SHCBP1L: variants seen among roughly 807,000 people sequenced by gnomAD.
The protein encoded by SHCBP1L is testicular spindle-associated protein SHCBP1L.
In SHCBP1L, 67 loss-of-function variants were observed where a neutral mutation model predicts 62.5. The ratio of observed to expected loss-of-function variants is 1.07; its 90% confidence interval spans 0.88 to 1.31. The LOEUF is 1.31. SHCBP1L is among the 40% of genes most tolerant of loss of function. The probability of loss-of-function intolerance (pLI) is 0.00; values close to 1 mark genes in which losing one functional copy is unlikely to be tolerated. For missense variants in SHCBP1L, 823 were observed against 809.8 expected, an observed-to-expected ratio of 1.02 and a Z score of -0.20; for synonymous variants, 284 against 289.4, an observed-to-expected ratio of 0.98 and a Z score of 0.19.
chr1:182,936,130 G>GTTTTTTTTTTTTTT (rs71127329), intron 5 of SHCBP1L, among the ~76,000 whole-genome samples: 140 of 63,832 alleles, frequency 2.2e-3, no homozygotes, highest in Middle Eastern at 0.013. Flanking sequence ...TTTGTTTTTT[G>GTTTTTTTTTTTTTT]TTTTTTTTTT....
chr1:182,940,704 A>C (rs1651334097), intron 2 of SHCBP1L, among the ~76,000 whole-genome samples, 161 bp from the exon 3 acceptor site: 1 of 152,222 alleles, frequency 6.6e-6, no homozygotes, highest in Non-Finnish European at 1.5e-5. Context: ...TATTAAATAT[A>C]CTACCAATAG....
intron 6 of SHCBP1L, among the ~76,000 whole-genome samples, chr1:182,906,643 G>T (rs537549283): frequency 6.6e-6 from 1 of 151,514 alleles, no homozygotes; most frequent in African/African-American, 2.4e-5. Flanking sequence ...TGTTAGCCAG[G>T]TTGGTCTCGA....
intron 5 of SHCBP1L, among the ~76,000 whole-genome samples, chr1:182,934,431 C>A (rs1395334472): frequency 6.6e-6 from 1 of 152,122 alleles, no homozygotes; most frequent in African/African-American, 2.4e-5. Flanking sequence ...TTGCAACTTA[C>A]TAATGACAAA....
intron 2 of SHCBP1L, among the ~76,000 whole-genome samples, chr1:182,946,945 A>C (rs1444639525): frequency 1.3e-5 from 2 of 152,216 alleles, no homozygotes; most frequent in Non-Finnish European, 2.9e-5. Flanking sequence ...GTGCAAAGAA[A>C]AGCCCAGGTG....
In SHCBP1L at chr1:182,899,908, C is replaced by A; in HGVS notation, c.*75G>T. ...TAATTAAGCTTTGAATTGAAACTAC[C>A]ATTTCAGTGGGGTATGAGAATCATG... On this transcript the variant is annotated 3_prime_UTR_variant, in exon 10 of 10. Transcript: ENST00000367547. 1.7e-6 allele frequency: 2 copies of A among 1,206,066 alleles called. No individual in the cohort carries two copies. The highest frequency in any genetic ancestry group is 2.1e-5 in the South Asian group (1 of 47,794). 74.7% of individuals were successfully genotyped at this position (1,206,066 alleles called of 1,614,324 possible).
intron 7 of SHCBP1L, 73 bp downstream of exon 7, chr1:182,905,423 A>T: frequency 7.2e-7 from 1 of 1,383,886 alleles, no homozygotes; most frequent in Non-Finnish European, 9.9e-7. Context: ...TAATTCCATT[A>T]AGCATGTTTA....
At chr1:182,904,558 T>TGTG in intron 7 of SHCBP1L, 128 bp from the exon 8 acceptor site, 1 of 886,762 alleles carries the variant, frequency 1.1e-6, no homozygotes, top group South Asian at 1.7e-5. Context: ...TGTGTGTGTG[T>TGTG]GTGTGTGTGT....
chr1:182,924,703 A>AAGGAAAGGAAAG (rs367726236), intron 6 of SHCBP1L, among the ~76,000 whole-genome samples: 1 of 34,834 alleles, frequency 2.9e-5, no homozygotes, highest in African/African-American at 1.6e-4. Context: ...AAGGAAAGGA[A>AAGGAAAGGAAAG]GAAAGAAAGA....
intron 6 of SHCBP1L, among the ~76,000 whole-genome samples, chr1:182,924,630 C>A (rs1008227855): frequency 6.8e-6 from 1 of 147,212 alleles, no homozygotes; most frequent in Admixed American, 7.0e-5. Context: ...ACCATGCTGA[C>A]CAAAGCAATG....
At chr1:182,920,276 GC>G (rs1399852826) in intron 6 of SHCBP1L, among the ~76,000 whole-genome samples, 3 of 152,114 alleles carry the variant, frequency 2.0e-5, no homozygotes, top group African/African-American at 4.8e-5. Flanking sequence ...CCTGGTACCA[GC>G]CCCCCAGGGT....
At chr1:182,941,480 A>G (rs1215656730) in intron 2 of SHCBP1L, among the ~76,000 whole-genome samples, 2 of 152,188 alleles carry the variant, frequency 1.3e-5, no homozygotes, top group African/African-American at 2.4e-5. Context: ...AAGAGGCTAT[A>G]AAGTACCAGT....
Position 182,953,005 on chromosome 1 carries a change from G to A in SHCBP1L, c.129C>T (p.Thr43=). ...CCACCACCGACCGCACTGGGATCGC[G>A]GTGCCCTTCAGGGTGGTCGCGGCCG... The part of the protein sequence containing the change: ...DTAAATTLKG[T]AIPVRSVVAS... The change falls in exon 1 of 10, where the codon ACC becomes ACT. Residue 43 remains threonine (T), a synonymous_variant. Coordinates refer to ENST00000367547, the MANE Select transcript of SHCBP1L (RefSeq NM_030933.4). 2 of 1,543,010 alleles carry A rather than the reference G, an allele frequency of 1.3e-6. No homozygotes were observed. Among genetic ancestry groups the A allele is most frequent in the African/African-American group, 1.4e-5 (1 of 73,216 alleles).
chr1:182,912,509 G>C (rs751659618), intron 6 of SHCBP1L, among the ~76,000 whole-genome samples: 1 of 151,538 alleles, frequency 6.6e-6, no homozygotes, highest in Non-Finnish European at 1.5e-5. Context: ...CTTTTCATCT[G>C]TATCCTTTGT....
At chr1:182,904,525 C>A in intron 7 of SHCBP1L, 95 bp from the exon 8 acceptor site, 1 of 1,285,532 alleles carries the variant, frequency 7.8e-7, no homozygotes, top group Admixed American at 2.0e-5. Flanking sequence ...TAAAGTTTTT[C>A]CCTGTGTGCG....
At chr1:182,906,711 G>T (rs1449858465) in intron 6 of SHCBP1L, among the ~76,000 whole-genome samples, 1 of 152,108 alleles carries the variant, frequency 6.6e-6, no homozygotes, top group Non-Finnish European at 1.5e-5. Flanking sequence ...GAGCCACCGT[G>T]CCCGGCCCCC....
intron 5 of SHCBP1L, among the ~76,000 whole-genome samples, chr1:182,930,356 T>C (rs1242099989): frequency 6.6e-6 from 1 of 151,718 alleles, no homozygotes; most frequent in African/African-American, 2.4e-5. Context: ...CTCTATCATT[T>C]AAGTGTCTCC....
rs566853974 is a variant in SHCBP1L, at chr1:182,952,965, C to T, written c.169G>A (p.Val57Met). The change falls in exon 1 of 10, where the codon GTG becomes ATG. Residue 57 changes from valine to methionine, a missense_variant. Physicochemically the swap from Val to Met is conservative, Grantham distance 21 (BLOSUM62 1). Transcript: ENST00000367547. ...GTCTCCCGGCCCGCTTTCCCCTTCA[C>T]CGGGCGAGGGGAGGCCACCACCGAC... is the stretch of plus-strand genomic sequence containing the variant. ...VRSVVASPRP[V>M]KGKAGRETAR... 1 of 1,545,528 alleles carries T rather than the reference C, an allele frequency of 6.5e-7. No individual in the cohort carries two copies. The highest frequency in any genetic ancestry group is 2.4e-5 in the East Asian group (1 of 41,116).
chr1:182,933,746 T>G (rs1021328246), intron 5 of SHCBP1L, among the ~76,000 whole-genome samples: 1 of 152,186 alleles, frequency 6.6e-6, no homozygotes, highest in Non-Finnish European at 1.5e-5. Context: ...GTTAGTATTT[T>G]GTTGAGGATT....
Position 182,953,116 on chromosome 1 carries a change from C to G in SHCBP1L, c.18G>C (p.Lys6Asn). The change falls in exon 1 of 10, where the codon AAG becomes AAC. Residue 6 changes from lysine to asparagine, a missense_variant. Lys to Asn is a moderately conservative substitution (Grantham distance 94, BLOSUM62 0). Coordinates refer to ENST00000367547, the MANE Select transcript of SHCBP1L (RefSeq NM_030933.4). MASGS[K>N]ASVPADSFRT... ...GGAATGAGTCCGCGGGCACCGAGGC[C>G]TTGGAGCCCGACGCCATCTCCTCAG... is the stretch of plus-strand genomic sequence containing the variant. The G allele has an allele frequency of 6.3e-7, 1 of 1,578,790 alleles. No individual in the cohort carries two copies. The highest frequency in any genetic ancestry group is 8.5e-7 in the Non-Finnish European group (1 of 1,170,646).
Sources: allele counts gnomAD v4.1 joint callset (sites outside exome capture counted in the v4.1 genomes callset), GRCh38; gene constraint gnomAD v4.1.1; transcripts MANE v1.5; gene names NCBI Gene and HGNC (gene_info 2026-07-23, HGNC 2026-07-21).